The following GRIK1 variants were observed in gnomAD, a reference collection of about 807,000 sequenced individuals.
The protein encoded by GRIK1 is glutamate receptor ionotropic, kainate 1.
GRIK1 carries 69 observed loss-of-function variants against 105.7 expected under a neutral mutation model. That is an observed-to-expected ratio of 0.65 (90% CI 0.54 to 0.80). GRIK1 has a LOEUF of 0.80. GRIK1 is among the 30% of genes least tolerant of loss of function. The pLI is 0.00. For synonymous variants in GRIK1, 438 were observed against 431.3 expected, an observed-to-expected ratio of 1.02 and a Z score of -0.19; for missense variants, 1,109 against 1,167.3, an observed-to-expected ratio of 0.95 and a Z score of 0.73.
At chr21:29,664,727 A>G (rs971813925) in intron 4 of GRIK1, among the ~76,000 whole-genome samples, 2 of 152,202 alleles carry the variant, frequency 1.3e-5, no homozygotes, top group Non-Finnish European at 2.9e-5. Flanking sequence ...AAAAGTAGGA[A>G]GGAAGGATCC....
At chr21:29,718,254 C>G (rs1024445669) in intron 1 of GRIK1, among the ~76,000 whole-genome samples, 3 of 152,172 alleles carry the variant, frequency 2.0e-5, no homozygotes, top group African/African-American at 7.2e-5. Flanking sequence ...CAAACTGAGG[C>G]TCTGAGATGT....
At chr21:29,922,389 C>A (rs1357297840) in intron 1 of GRIK1, among the ~76,000 whole-genome samples, 10 of 152,004 alleles carry the variant, frequency 6.6e-5, no homozygotes, top group Admixed American at 6.6e-4. Context: ...AAAATAATTT[C>A]TGTGGGTAGA....
chr21:29,815,648 A>T (rs2067135279), intron 1 of GRIK1, among the ~76,000 whole-genome samples: 1 of 152,202 alleles, frequency 6.6e-6, no homozygotes, highest in Non-Finnish European at 1.5e-5. Context: ...TCATATAAAA[A>T]GAATGCATTT....
At chr21:29,615,843 C>T (rs2061838136) in intron 7 of GRIK1, among the ~76,000 whole-genome samples, 1 of 152,200 alleles carries the variant, frequency 6.6e-6, no homozygotes. Flanking sequence ...TTTGCCCAAC[C>T]TCAGTCTCCC....
At chr21:29,692,719 C>A (rs572236161) in intron 2 of GRIK1, among the ~76,000 whole-genome samples, 23 of 152,196 alleles carry the variant, frequency 1.5e-4, no homozygotes, top group Non-Finnish European at 2.5e-4. Context: ...CCACAGGCAC[C>A]TGCCACCATG....
At chr21:29,646,717 G>A (rs1190908413) in intron 6 of GRIK1, among the ~76,000 whole-genome samples, 2 of 152,146 alleles carry the variant, frequency 1.3e-5, no homozygotes, top group Non-Finnish European at 2.9e-5. Flanking sequence ...GATCAAATGG[G>A]TTGATCACAC....
chr21:29,841,837 G>T (rs1218429258), intron 1 of GRIK1, among the ~76,000 whole-genome samples: 1 of 152,038 alleles, frequency 6.6e-6, no homozygotes, highest in African/African-American at 2.4e-5. Context: ...CGGAAACAAT[G>T]GTTTCTGTTT....
chr21:29,822,177 C>T (rs1295133453), intron 1 of GRIK1, among the ~76,000 whole-genome samples: 1 of 152,028 alleles, frequency 6.6e-6, no homozygotes. Context: ...CTGGGCCATA[C>T]AGTCACTAAT....
chr21:29,653,688 G>A (rs750682354), intron 5 of GRIK1, among the ~76,000 whole-genome samples: 2 of 152,208 alleles, frequency 1.3e-5, no homozygotes, highest in Non-Finnish European at 2.9e-5. Context: ...TCCCTCAGCT[G>A]TTCTCAAGGA....
chr21:29,776,652 T>G (rs2065951819), intron 1 of GRIK1, among the ~76,000 whole-genome samples: 1 of 152,202 alleles, frequency 6.6e-6, no homozygotes, highest in Admixed American at 6.5e-5. Flanking sequence ...ATATTTTAAC[T>G]CCCTGTTGAT....
intron 1 of GRIK1, among the ~76,000 whole-genome samples, chr21:29,770,327 C>A (rs1319860129): frequency 6.6e-6 from 1 of 152,182 alleles, no homozygotes; most frequent in Non-Finnish European, 1.5e-5. Flanking sequence ...CCAGTAGTGC[C>A]CACGTCTGGG....
intron 4 of GRIK1, among the ~76,000 whole-genome samples, chr21:29,666,476 C>T (rs1601407589): frequency 1.3e-5 from 2 of 152,066 alleles, no homozygotes; most frequent in African/African-American, 4.8e-5. Flanking sequence ...GGCCAATTTG[C>T]AAGCACTGGA....
chr21:29,587,528 A>T lies in GRIK1; in HGVS notation c.1631T>A (p.Phe544Tyr). 6.2e-7 allele frequency: 1 copy of T among 1,613,886 alleles called. No homozygotes were observed. Among genetic ancestry groups the T allele is most frequent in the Non-Finnish European group, 8.5e-7 (1 of 1,179,774 alleles). ...ITYVREKVID[F>Y]SKPFMTLGIS... ...GCCTAGGGTCATGAAGGGTTTGGAG[A>T]AGTCAATGACTTTCTCCCGCACGTA... Residue 544 changes from phenylalanine (F) to tyrosine (Y), a missense_variant, in exon 12 of 18, where the codon TTC becomes TAC. Phe to Tyr is a conservative substitution (Grantham distance 22). Around this residue, in one of 5 missense-constraint regions of GRIK1, gnomAD observed 264 missense variants for 306.9 expected, o/e 0.86. Coordinates refer to ENST00000327783, the MANE Select transcript of GRIK1 (RefSeq NM_001330994.2).
intron 7 of GRIK1, among the ~76,000 whole-genome samples, chr21:29,617,428 G>T (rs2061878235): frequency 6.6e-6 from 1 of 152,122 alleles, no homozygotes; most frequent in Non-Finnish European, 1.5e-5. Context: ...GAATATAAAT[G>T]ATTTTGGAAA....
At chr21:29,617,490 A>G (rs757732073) in intron 7 of GRIK1, among the ~76,000 whole-genome samples, 1 of 152,224 alleles carries the variant, frequency 6.6e-6, no homozygotes, top group Non-Finnish European at 1.5e-5. Context: ...TGATGCTCTT[A>G]AAAGATGCAT....
At chr21:29,753,191 A>G (rs1269594775) in intron 1 of GRIK1, among the ~76,000 whole-genome samples, 1 of 152,268 alleles carries the variant, frequency 6.6e-6, no homozygotes, top group African/African-American at 2.4e-5. Flanking sequence ...TTAATAGTTA[A>G]TAACAATTTT....
At chr21:29,750,775 A>C (rs1000640302) in intron 1 of GRIK1, among the ~76,000 whole-genome samples, 1 of 152,148 alleles carries the variant, frequency 6.6e-6, no homozygotes, top group Non-Finnish European at 1.5e-5. Flanking sequence ...CAAATAAGAG[A>C]GGTTTGATAT....
chr21:29,861,829 T>C (rs1363693942), intron 1 of GRIK1, among the ~76,000 whole-genome samples: 1 of 152,220 alleles, frequency 6.6e-6, no homozygotes, highest in South Asian at 2.1e-4. Flanking sequence ...TTATGTTGTA[T>C]AATTCTTTTT....
At chr21:29,725,457 A>G (rs1281998193) in intron 1 of GRIK1, among the ~76,000 whole-genome samples, 1 of 152,200 alleles carries the variant, frequency 6.6e-6, no homozygotes, top group Non-Finnish European at 1.5e-5. Context: ...CATATACATT[A>G]TTTAAATACA....
Sources: allele counts gnomAD v4.1 joint callset (sites outside exome capture counted in the v4.1 genomes callset), GRCh38; gene constraint gnomAD v4.1.1; regional missense constraint gnomAD v4.1.1; transcripts MANE v1.5; gene names NCBI Gene and HGNC (gene_info 2026-07-23, HGNC 2026-07-21).